CACNG7: variants seen among roughly 807,000 people sequenced by gnomAD.
CACNG7 encodes the protein calcium voltage-gated channel auxiliary subunit gamma 7.
CACNG7 carries 9 observed loss-of-function variants against 26.3 expected under a neutral mutation model. The observed-to-expected ratio is 0.34, with a 90% CI of 0.21 to 0.60. CACNG7 has a LOEUF of 0.60. Among genes scored for constraint, CACNG7 ranks in the 20% least tolerant of loss-of-function variants. The probability of loss-of-function intolerance (pLI) is 0.81; values close to 1 mark genes in which losing one functional copy is unlikely to be tolerated. For synonymous variants in CACNG7, 170 were observed against 157.0 expected (o/e 1.08, Z -0.62); for missense variants, 297 against 380.4 (o/e 0.78, Z 1.82).
intron 4 of CACNG7, among the ~76,000 whole-genome samples, chr19:53,923,817 GC>G (rs2068991887): frequency 8.9e-6 from 1 of 112,038 alleles, no homozygotes; most frequent in African/African-American, 4.5e-5. Context: ...TGGTGGAGTT[GC>G]CCCAGGTCTG....
Position 53,919,665 on chromosome 19 carries a change from C to T in CACNG7, c.424+4160C>T, listed in dbSNP as rs550774530. 1.1e-4 allele frequency among the ~76,000 whole-genome samples: 15 copies of T among 142,420 alleles called. No homozygotes were observed. In the East Asian group the frequency reaches 3.2e-3, roughly 31 times the overall value. The allele number at this position is 142,420 out of a possible 152,430, so 93.4% of individuals were successfully genotyped here. On this transcript the variant is annotated intron_variant, in intron 4 of 5. Coordinates refer to ENST00000391767, the MANE Select transcript of CACNG7 (RefSeq NM_031896.5). ...AGGCTGGTCATTGGTGGAGTTGTCCCCAGGCCTGGTATTGGTGGAGTTGCC... is the reference window on the plus strand; with the variant it reads ...AGGCTGGTCATTGGTGGAGTTGTCCTCAGGCCTGGTATTGGTGGAGTTGCC...
chr19:53,942,197 C>A lies in CACNG7; in HGVS notation c.732C>A (p.Ser244=). The part of the protein sequence containing the change: ...PEAWRRGRSP[S]DISSDVSIQM... ...CGTGGCGCCGCGGCCGGAGCCCCTC[C>A]GACATCTCCAGCGACGTGTCCATCC... The change falls in exon 6 of 6, where the codon TCC becomes TCA. Residue 244 remains serine (S), a synonymous_variant. Coordinates refer to ENST00000391767, the MANE Select transcript of CACNG7 (RefSeq NM_031896.5). The surrounding 1 kb of genome is among the most constrained non-coding windows in gnomAD (Gnocchi z 5.9). 1.9e-6 allele frequency: 3 copies of A among 1,614,042 alleles called. No homozygotes were observed. In the South Asian group the frequency reaches 3.3e-5, roughly 18 times the overall value.
intron 4 of CACNG7, among the ~76,000 whole-genome samples, chr19:53,938,427 G>A (rs307915): frequency 0.86 from 130,885 of 152,172 alleles, 56,388 homozygotes; most frequent in East Asian, 0.97. Context: ...GTGTGGGCAG[G>A]TACCGGACCA....
In CACNG7 at chr19:53,912,501, A is replaced by G. The variant is rs1413811137; in HGVS notation, c.-29-302A>G. ...CAAACACGGTTGGAGCCAAGATTCA[A>G]TCTCTGGGCCTGGGCTGAAAGTTGT... On this transcript the variant is annotated intron_variant, in intron 1 of 5. Coordinates refer to ENST00000391767, the MANE Select transcript of CACNG7 (RefSeq NM_031896.5). This position sits in a 1 kb window ranked among gnomAD's most constrained non-coding sequence, Gnocchi z 4.6. Among the ~76,000 whole-genome samples, 10 of 152,158 alleles carry G rather than the reference A, an allele frequency of 6.6e-5. No homozygotes were observed. Among genetic ancestry groups the G allele is most frequent in the Admixed American group, 6.5e-4 (10 of 15,278 alleles).
In CACNG7 at chr19:53,942,377, C is replaced by G. The variant is rs529533747; in HGVS notation, c.*84C>G. 4.8e-5 allele frequency: 74 copies of G among 1,529,088 alleles called. No homozygotes were observed. In the Middle Eastern group the frequency reaches 5.3e-4, roughly 11 times the overall value. The allele number at this position is 1,529,088 out of a possible 1,614,324, so 94.7% of individuals were successfully genotyped here. ...CTGCAATGCAGCGCCCCCTTCCGTC[C>G]TCGGGACTCCTCGCTCCCACCCGGA... On this transcript the variant is annotated 3_prime_UTR_variant, in exon 6 of 6. Coordinates refer to ENST00000391767, the MANE Select transcript of CACNG7 (RefSeq NM_031896.5). This position sits in a 1 kb window ranked among gnomAD's most constrained non-coding sequence, Gnocchi z 5.9.
At chr19:53,938,886 T>G in intron 4 of CACNG7, among the ~76,000 whole-genome samples, 1 of 151,974 alleles carries the variant, frequency 6.6e-6, no homozygotes, top group Non-Finnish European at 1.5e-5. Context: ...AAGTGAAGGC[T>G]GCAGTGAGCC....
chr19:53,922,172 T>C (rs2068963816), intron 4 of CACNG7, among the ~76,000 whole-genome samples: 3 of 124,074 alleles, frequency 2.4e-5, no homozygotes, highest in Non-Finnish European at 5.0e-5. Context: ...ATTGGTGGAG[T>C]TGTCCCAGGC....
At chr19:53,919,112 TCAAATTTTCC>T (rs1191477992) in intron 4 of CACNG7, among the ~76,000 whole-genome samples, 2 of 152,128 alleles carry the variant, frequency 1.3e-5, no homozygotes. Context: ...TGGCCAAATT[TCAAATTTTCC>T]CAACCCAGCC....
intron 1 of CACNG7, among the ~76,000 whole-genome samples, chr19:53,911,461 T>C (rs1448344192): frequency 1.3e-5 from 2 of 152,152 alleles, no homozygotes; most frequent in East Asian, 3.9e-4. Flanking sequence ...ACTGTGAAGA[T>C]GTTCCAGGAT....
intron 4 of CACNG7, among the ~76,000 whole-genome samples, chr19:53,917,634 A>G (rs1266099274): frequency 6.6e-6 from 1 of 152,192 alleles, no homozygotes; most frequent in East Asian, 1.9e-4. Context: ...CTAAAATAAG[A>G]CACGGAGAAT....
At chr19:53,924,591 C>A (rs1051684762) in intron 4 of CACNG7, among the ~76,000 whole-genome samples, 1 of 124,994 alleles carries the variant, frequency 8.0e-6, no homozygotes, top group Non-Finnish European at 1.6e-5. Context: ...CCAGGCTGGT[C>A]ATTGGTGGAG....
intron 4 of CACNG7, among the ~76,000 whole-genome samples, chr19:53,925,684 G>A (rs1198456341): frequency 6.6e-6 from 1 of 152,218 alleles, no homozygotes; most frequent in African/African-American, 2.4e-5. Context: ...GGAGGATTAC[G>A]GTCACAGCTG....
chr19:53,919,179 A>C (rs1450508989), intron 4 of CACNG7, among the ~76,000 whole-genome samples: 1 of 152,222 alleles, frequency 6.6e-6, no homozygotes, highest in Non-Finnish European at 1.5e-5. Context: ...AGATCACAAA[A>C]AAGAAGGAGA....
In CACNG7 at chr19:53,942,645, C is replaced by T. The variant is rs553210486; in HGVS notation, c.*352C>T. On this transcript the variant is annotated 3_prime_UTR_variant, in exon 6 of 6. Coordinates refer to ENST00000391767, the MANE Select transcript of CACNG7 (RefSeq NM_031896.5). This position sits in a 1 kb window ranked among gnomAD's most constrained non-coding sequence, Gnocchi z 5.9. Reference sequence around the variant, plus strand: ...GGAGCAGCCAGAGGCGGTGCAAGCGCCCAGCTCCCCAGAGCTCCCCAACCT... The same window carrying T: ...GGAGCAGCCAGAGGCGGTGCAAGCGTCCAGCTCCCCAGAGCTCCCCAACCT... 7.0e-5 allele frequency: 73 copies of T among 1,045,082 alleles called. No individual in the cohort carries two copies. In the African/African-American group the frequency reaches 1.1e-3, roughly 16 times the overall value. The allele number at this position is 1,045,082 out of a possible 1,614,324, so 64.7% of individuals were successfully genotyped here.
chr19:53,932,687 G>T (rs1004763152), intron 4 of CACNG7, among the ~76,000 whole-genome samples: 2 of 151,846 alleles, frequency 1.3e-5, no homozygotes, highest in African/African-American at 2.4e-5. Context: ...AACCTAAAAC[G>T]GTCCCTCTCC....
Position 53,942,031 on chromosome 19 carries a change from C to A in CACNG7, c.571-5C>A. ...CCCTGGGACTCTGACCTTGCCTTGCCGCAGGGGGCCGGCGTGATGTCCGTG... is the reference window on the plus strand; with the variant it reads ...CCCTGGGACTCTGACCTTGCCTTGCAGCAGGGGGCCGGCGTGATGTCCGTG... On this transcript the variant is annotated splice_region_variant and splice_polypyrimidine_tract_variant and intron_variant, in intron 5 of 5. Coordinates refer to ENST00000391767, the MANE Select transcript of CACNG7 (RefSeq NM_031896.5). The surrounding 1 kb of genome is among the most constrained non-coding windows in gnomAD (Gnocchi z 5.9). 6.3e-7 allele frequency: 1 copy of A among 1,580,730 alleles called. No homozygotes were observed. The highest frequency in any genetic ancestry group is 8.6e-7 in the Non-Finnish European group (1 of 1,158,744).
chr19:53,928,858 C>T (rs1427560099), intron 4 of CACNG7, among the ~76,000 whole-genome samples: 3 of 152,010 alleles, frequency 2.0e-5, no homozygotes, highest in Admixed American at 1.3e-4. Context: ...CGCCTGTAAT[C>T]CCAGCACTTT....
chr19:53,925,789 G>T (rs369835411), intron 4 of CACNG7, among the ~76,000 whole-genome samples: 1 of 152,344 alleles, frequency 6.6e-6, no homozygotes, highest in South Asian at 2.1e-4. Flanking sequence ...TAGTGGCCCA[G>T]GCCGTAGCAG....
chr19:53,942,046 T>C lies in CACNG7; in HGVS notation c.581T>C (p.Val194Ala), dbSNP rs1414045176. Residue 194 changes from valine (V) to alanine (A), a missense_variant, in exon 6 of 6, where the codon GTG becomes GCG. Transcript: ENST00000391767. This position sits in a 1 kb window ranked among gnomAD's most constrained non-coding sequence, Gnocchi z 5.9. ...CTTGCCTTGCCGCAGGGGGCCGGCGTGATGTCCGTGTACCTGTTCACCAAG... is the reference window on the plus strand; with the variant it reads ...CTTGCCTTGCCGCAGGGGGCCGGCGCGATGTCCGTGTACCTGTTCACCAAG... ...SSFLLKEGAG[V>A]MSVYLFTKRY... is the part of the protein sequence containing the mutation. The C allele has an allele frequency of 6.3e-7, 1 of 1,594,998 alleles. No homozygotes were observed. The highest frequency in any genetic ancestry group is 8.6e-7 in the Non-Finnish European group (1 of 1,166,052).
Sources: allele counts gnomAD v4.1 joint callset (sites outside exome capture counted in the v4.1 genomes callset), GRCh38; gene constraint gnomAD v4.1.1; non-coding constraint Gnocchi (gnomAD v3.1); transcripts MANE v1.5; gene names NCBI Gene and HGNC (gene_info 2026-07-23, HGNC 2026-07-21).